Variants in KIAA1217 observed in about 807,000 individuals in gnomAD.
The protein encoded by KIAA1217 is sickle tail protein homolog.
Under a neutral mutation model 163.9 loss-of-function variants are expected in KIAA1217, and 88 were observed. That is an observed-to-expected ratio of 0.54 (90% CI 0.45 to 0.64). KIAA1217 has a LOEUF of 0.64. Among genes scored for constraint, KIAA1217 ranks in the 30% least tolerant of loss-of-function variants. The pLI, the probability that KIAA1217 is intolerant of heterozygous loss-of-function variation, is 0.00. For missense variants in KIAA1217, 2,372 were observed against 2,475.0 expected, an observed-to-expected ratio of 0.96 and a Z score of 0.88; for synonymous variants, 903 against 923.1, an observed-to-expected ratio of 0.98 and a Z score of 0.39.
intron 8 of KIAA1217, among the ~76,000 whole-genome samples, chr10:24,497,719 CAAA>C (rs576820337): frequency 1.3e-4 from 10 of 75,490 alleles, no homozygotes; most frequent in Admixed American, 1.6e-4. Context: ...GACCTTGTCT[CAAA>C]AAAAAAAAAA....
chr10:24,375,703 C>T (rs1232490948), intron 2 of KIAA1217, among the ~76,000 whole-genome samples: 1 of 152,136 alleles, frequency 6.6e-6, no homozygotes, highest in Non-Finnish European at 1.5e-5. Context: ...ATGTGGAAAA[C>T]TTCATTGTAT....
chr10:24,095,766 C>A (rs567912427), intron 2 of KIAA1217, among the ~76,000 whole-genome samples: 1 of 152,252 alleles, frequency 6.6e-6, no homozygotes, highest in South Asian at 2.1e-4. Context: ...TCTATTATAC[C>A]TTTTAGATAC....
intron 1 of KIAA1217, among the ~76,000 whole-genome samples, chr10:23,979,240 A>G (rs980432338): frequency 6.6e-6 from 1 of 152,232 alleles, no homozygotes; most frequent in Non-Finnish European, 1.5e-5. Context: ...ATTTAAGTGG[A>G]ACCATAAAAG....
chr10:23,937,496 A>G (rs1843581594), intron 1 of KIAA1217, among the ~76,000 whole-genome samples: 1 of 152,290 alleles, frequency 6.6e-6, no homozygotes, highest in South Asian at 2.1e-4. Flanking sequence ...ATCCGGCAGT[A>G]CTGTCCCAAT....
Position 24,093,096 on chromosome 10 carries a change from T to C in KIAA1217, c.-171+85722T>C, listed in dbSNP as rs75874036. Among the ~76,000 whole-genome samples the C allele has an allele frequency of 3.3e-3, 497 of 151,776 alleles. 6 individuals carry two copies. The highest frequency in any genetic ancestry group is 0.011 in the African/African-American group (456 of 41,120). On this transcript the variant is annotated intron_variant, in intron 2 of 18. Coordinates refer to the KIAA1217 transcript ENST00000376462. ...GCAGCTTCGACTTCCCAGGCTCAAG[T>C]AGTCTTCCCACCTCAGCCTCACAAG...
At chr10:24,080,194 G>A (rs1210350627) in intron 2 of KIAA1217, among the ~76,000 whole-genome samples, 1 of 152,136 alleles carries the variant, frequency 6.6e-6, no homozygotes, top group Non-Finnish European at 1.5e-5. Context: ...ATTGGATCTG[G>A]TGATATCTTA....
chr10:23,734,022 T>C (rs971016334), intron 1 of KIAA1217, among the ~76,000 whole-genome samples: 3 of 152,182 alleles, frequency 2.0e-5, no homozygotes, highest in African/African-American at 7.2e-5. Context: ...GTTTTTATCA[T>C]GTAACATTTA....
At chr10:24,482,068 G>T (rs866083604) in intron 6 of KIAA1217, 3 of 152,194 alleles carry the variant, frequency 2.0e-5, no homozygotes, top group Non-Finnish European at 4.4e-5. Context: ...AGACTCCTGA[G>T]TTCAGGCATC....
At chr10:23,900,701 G>A (rs191445278) in intron 1 of KIAA1217, among the ~76,000 whole-genome samples, 1 of 152,154 alleles carries the variant, frequency 6.6e-6, no homozygotes, top group East Asian at 1.9e-4. Flanking sequence ...ATTCATCTGG[G>A]TTACCTCTAA....
chr10:24,337,480 G>T (rs936420159), intron 2 of KIAA1217, among the ~76,000 whole-genome samples: 4 of 152,072 alleles, frequency 2.6e-5, no homozygotes, highest in African/African-American at 9.7e-5. Context: ...GCTTATATTG[G>T]GTTGGTCTGC....
chr10:23,968,211 G>A (rs1481096640), intron 1 of KIAA1217, among the ~76,000 whole-genome samples: 1 of 152,012 alleles, frequency 6.6e-6, no homozygotes, highest in African/African-American at 2.4e-5. Flanking sequence ...AATCTATATT[G>A]CATCAAAGGC....
intron 1 of KIAA1217, among the ~76,000 whole-genome samples, chr10:23,724,482 A>G (rs1838029950): frequency 6.6e-6 from 1 of 152,076 alleles, no homozygotes; most frequent in Non-Finnish European, 1.5e-5. Context: ...TAAATCATGC[A>G]TTGCCTTTTA....
At chr10:24,514,107 G>A (rs2069645950) in intron 10 of KIAA1217, among the ~76,000 whole-genome samples, 1 of 152,108 alleles carries the variant, frequency 6.6e-6, no homozygotes, top group African/African-American at 2.4e-5. Context: ...ATTGAAATGA[G>A]CAGAATTTTA....
chr10:24,331,052 TC>T (rs1386617059), intron 2 of KIAA1217, among the ~76,000 whole-genome samples: 1 of 152,054 alleles, frequency 6.6e-6, no homozygotes, highest in Non-Finnish European at 1.5e-5. Context: ...CAAGTAATCC[TC>T]CCACCTCGGT....
chr10:23,890,612 C>T (rs1326228643), intron 1 of KIAA1217, among the ~76,000 whole-genome samples: 1 of 151,886 alleles, frequency 6.6e-6, no homozygotes, highest in African/African-American at 2.4e-5. Flanking sequence ...AGCTCACATA[C>T]TCTGTCAGTT....
chr10:24,022,775 G>A (rs954709899), intron 2 of KIAA1217, among the ~76,000 whole-genome samples: 1 of 151,460 alleles, frequency 6.6e-6, no homozygotes, highest in Non-Finnish European at 1.5e-5. Context: ...ATTATGTAGT[G>A]ATAAAAATCA....
At chr10:23,952,703 C>T (rs1010445116) in intron 1 of KIAA1217, among the ~76,000 whole-genome samples, 1 of 152,130 alleles carries the variant, frequency 6.6e-6, no homozygotes, top group Non-Finnish European at 1.5e-5. Flanking sequence ...GTGGATTTGC[C>T]TATTTTTGTG....
intron 3 of KIAA1217, among the ~76,000 whole-genome samples, chr10:24,422,443 T>A (rs531105939): frequency 6.6e-6 from 1 of 152,354 alleles, no homozygotes; most frequent in Admixed American, 6.5e-5. Flanking sequence ...TTTCTTATAA[T>A]ATTTTCTCCC....
chr10:24,481,230 T>A (rs933987538), intron 6 of KIAA1217: 8 of 152,106 alleles, frequency 5.3e-5, no homozygotes, highest in Non-Finnish European at 1.5e-5. Flanking sequence ...ATGAAGACAG[T>A]CATAAAATAT....
Sources: allele counts gnomAD v4.1 joint callset (sites outside exome capture counted in the v4.1 genomes callset), GRCh38; gene constraint gnomAD v4.1.1; transcripts MANE v1.5; gene names NCBI Gene and HGNC (gene_info 2026-07-23, HGNC 2026-07-21).